Variants in ADAMTS12 observed in about 807,000 individuals in gnomAD.
The protein encoded by ADAMTS12 is ADAM metallopeptidase with thrombospondin type 1 motif 12, also known as A disintegrin and metalloproteinase with thrombospondin motifs 12.
ADAMTS12 carries 118 observed loss-of-function variants against 167.8 expected under a neutral mutation model. The ratio of observed to expected loss-of-function variants is 0.70; its 90% CI spans 0.61 to 0.82. The LOEUF is 0.82. ADAMTS12 is among the 40% of genes least tolerant of loss of function. The probability of loss-of-function intolerance (pLI) is 0.00; values close to 1 mark genes in which losing one functional copy is unlikely to be tolerated. For missense variants in ADAMTS12, 1,916 were observed against 1,998.8 expected (o/e 0.96, Z 0.79); for synonymous variants, 704 against 716.9 (o/e 0.98, Z 0.29).
At chr5:33,658,121 TTC>T (rs1741126035) in intron 7 of ADAMTS12, 61 bp downstream of exon 7, 2 of 1,588,812 alleles carry the variant, frequency 1.3e-6, no homozygotes, top group Non-Finnish European at 1.7e-6. Flanking sequence ...TCACCTCAAA[TTC>T]TCTCTGCTGA....
intron 2 of ADAMTS12, among the ~76,000 whole-genome samples, chr5:33,766,197 A>G (rs1745526164): frequency 6.6e-6 from 1 of 152,206 alleles, no homozygotes; most frequent in African/African-American, 2.4e-5. Context: ...GTGAGGAAAC[A>G]TGGCAGGCAC....
At chr5:33,595,866 T>C in intron 17 of ADAMTS12, 68 bp downstream of exon 17, 2 of 1,589,040 alleles carry the variant, frequency 1.3e-6, no homozygotes, top group South Asian at 2.3e-5. Flanking sequence ...CAGCAAGCAC[T>C]AGGTCACTCT....
intron 16 of ADAMTS12, 147 bp from the exon 17 acceptor site, chr5:33,596,207 A>G: frequency 1.0e-6 from 1 of 971,146 alleles, no homozygotes; most frequent in Admixed American, 2.6e-5. Context: ...GGAGGGATGA[A>G]GAATAGGGAC....
At chr5:33,874,359 C>A (rs1580010458) in intron 2 of ADAMTS12, among the ~76,000 whole-genome samples, 1 of 152,146 alleles carries the variant, frequency 6.6e-6, no homozygotes, top group Middle Eastern at 3.4e-3. Flanking sequence ...GAAGAAAATG[C>A]AAATTAAAAC....
chr5:33,601,767 C>T (rs889472218), intron 16 of ADAMTS12, among the ~76,000 whole-genome samples: 1 of 152,120 alleles, frequency 6.6e-6, no homozygotes, highest in Non-Finnish European at 1.5e-5. Flanking sequence ...AGTAAAACTC[C>T]AAGCCACTAC....
chr5:33,664,346 G>T (rs1741389787), intron 5 of ADAMTS12, among the ~76,000 whole-genome samples: 2 of 152,004 alleles, frequency 1.3e-5, no homozygotes, highest in Non-Finnish European at 2.9e-5. Context: ...AAACAGACAG[G>T]AAACACCAAA....
intron 19 of ADAMTS12, among the ~76,000 whole-genome samples, chr5:33,575,833 A>G (rs1746671042): frequency 1.3e-5 from 2 of 152,186 alleles, no homozygotes; most frequent in African/African-American, 2.4e-5. Context: ...GCTAGACAAT[A>G]TATCTATACA....
At chr5:33,597,773 G>C (rs1023675284) in intron 16 of ADAMTS12, among the ~76,000 whole-genome samples, 13 of 152,070 alleles carry the variant, frequency 8.5e-5, no homozygotes, top group African/African-American at 3.1e-4. Flanking sequence ...CGGTGGAATA[G>C]AGACTCGGAT....
intron 3 of ADAMTS12, among the ~76,000 whole-genome samples, chr5:33,736,294 C>A (rs1453060265): frequency 1.3e-5 from 2 of 152,146 alleles, no homozygotes; most frequent in African/African-American, 4.8e-5. Context: ...AACTCCTGAC[C>A]TCAGTTGATC....
At chr5:33,649,022 G>A in intron 8 of ADAMTS12, 56 bp from the exon 9 acceptor site, 1 of 1,588,342 alleles carries the variant, frequency 6.3e-7, no homozygotes, top group Non-Finnish European at 8.6e-7. Context: ...TTTACCTTCA[G>A]CCTTTCATTC....
At chr5:33,617,357 T>C (rs1303694689) in intron 14 of ADAMTS12, among the ~76,000 whole-genome samples, 2 of 152,288 alleles carry the variant, frequency 1.3e-5, no homozygotes, top group Admixed American at 6.5e-5. Context: ...AATTTCTTCA[T>C]CTTCCTCTGG....
intron 13 of ADAMTS12, among the ~76,000 whole-genome samples, chr5:33,625,221 T>C (rs1328465632): frequency 1.3e-5 from 2 of 152,190 alleles, no homozygotes; most frequent in East Asian, 1.9e-4. Context: ...ATTCTTTAGG[T>C]TAACTGTCTT....
Position 33,749,163 on chromosome 5 carries a change from G to GT in ADAMTS12, c.634+2240_634+2241insA, listed in dbSNP as rs1744890024. 6.6e-5 allele frequency among the ~76,000 whole-genome samples: 10 copies of GT among 152,226 alleles called. No homozygotes were observed. In the South Asian group the frequency reaches 2.1e-3, roughly 32 times the overall value. On this transcript the variant is annotated intron_variant, in intron 3 of 23. Coordinates refer to ENST00000504830, the MANE Select transcript of ADAMTS12 (RefSeq NM_030955.4). ...GTCAGTTCCTTTTTGATGACTTACT[G>GT]AATTCCTACTTTGCATTGAACCCTC...
intron 14 of ADAMTS12, among the ~76,000 whole-genome samples, chr5:33,619,460 C>G (rs749488482): frequency 3.3e-5 from 5 of 152,198 alleles, no homozygotes; most frequent in Non-Finnish European, 7.4e-5. Context: ...AGATTTTTTT[C>G]TCTTCAAGGA....
At chr5:33,628,262 G>A (rs904110259) in intron 13 of ADAMTS12, among the ~76,000 whole-genome samples, 1 of 152,128 alleles carries the variant, frequency 6.6e-6, no homozygotes, top group African/African-American at 2.4e-5. Flanking sequence ...CTCAGACAGT[G>A]GGTATGAGAG....
intron 2 of ADAMTS12, among the ~76,000 whole-genome samples, chr5:33,851,529 C>T (rs1309881870): frequency 6.6e-6 from 1 of 152,160 alleles, no homozygotes; most frequent in Non-Finnish European, 1.5e-5. Flanking sequence ...AAGAGAGAAT[C>T]CTTTCCAGAG....
intron 16 of ADAMTS12, among the ~76,000 whole-genome samples, chr5:33,598,170 G>T (rs143932789): frequency 1.4e-3 from 217 of 152,184 alleles, no homozygotes; most frequent in African/African-American, 4.9e-3. Context: ...TGACATTAAT[G>T]GTCCTGGTGA....
At chr5:33,743,400 G>A (rs1187846288) in intron 3 of ADAMTS12, among the ~76,000 whole-genome samples, 2 of 152,206 alleles carry the variant, frequency 1.3e-5, no homozygotes, top group African/African-American at 2.4e-5. Flanking sequence ...GTATGCTCTA[G>A]GCTCAGAGAC....
At position 33,588,678 on chromosome 5, in the gene ADAMTS12, A is replaced by T. The variant is rs200229437; in HGVS notation, c.2786T>A (p.Leu929Gln). Residue 929 changes from leucine to glutamine, a missense_variant, in exon 18 of 24, where the codon CTG becomes CAG. By Grantham distance (113) the Leu-to-Gln change is moderately radical. Coordinates refer to ENST00000504830, the MANE Select transcript of ADAMTS12 (RefSeq NM_030955.4). ...GGAAAGGAGGGTCTTGGGCTTCAGC[A>T]GGTGCTGGCAGTCTGTGGGCGGGAG... is the stretch of plus-strand genomic sequence containing the variant. ...QALPPTDCQHLLKPKTLLSCN... is the reference protein window; with the variant it reads ...QALPPTDCQHQLKPKTLLSCN... The T allele has an allele frequency of 6.2e-7, 1 of 1,614,106 alleles. No homozygotes were observed. Among genetic ancestry groups the T allele is most frequent in the East Asian group, 2.2e-5 (1 of 44,868 alleles).
Sources: gnomAD v4.1 joint callset for allele counts (sites outside exome capture counted in the v4.1 genomes callset) on GRCh38, gnomAD v4.1.1 for gene constraint, MANE v1.5 for transcripts, NCBI Gene and HGNC (gene_info 2026-07-23, HGNC 2026-07-21) for gene names.